LRRK2: variants seen among roughly 807,000 people sequenced by gnomAD.
LRRK2 encodes leucine-rich repeat serine/threonine-protein kinase 2.
A neutral mutation model predicts 302.6 loss-of-function variants in LRRK2; 203 were observed. The ratio of observed to expected loss-of-function variants is 0.67; its 90% confidence interval spans 0.60 to 0.75. LRRK2 has a LOEUF of 0.75. Ranked by LOEUF, LRRK2 falls within the 30% of genes least tolerant of loss-of-function variation. The probability of loss-of-function intolerance (pLI) is 0.00; values close to 1 mark genes in which losing one functional copy is unlikely to be tolerated. For missense variants in LRRK2, 2,830 were observed against 2,951.0 expected, an observed-to-expected ratio of 0.96 and a Z score of 0.95; for synonymous variants, 1,066 against 1,031.9, an observed-to-expected ratio of 1.03 and a Z score of -0.63.
In LRRK2 at chr12:40,335,161, A is replaced by G; in HGVS notation, c.5948+4A>G. ...TCCACGTAGCTGATGGTTTGAGGTA[A>G]GTAGGTCATGTTGTTTTCTATTCAG... On this transcript the variant is annotated splice_donor_region_variant and intron_variant, in intron 40 of 50. Transcript: ENST00000298910. The G allele has an allele frequency of 6.2e-7, 1 of 1,613,994 alleles. No individual in the cohort carries two copies.
intron 20 of LRRK2, among the ~76,000 whole-genome samples, chr12:40,292,025 C>T (rs76339482): frequency 0.015 from 2,347 of 152,106 alleles, 31 homozygotes; most frequent in Non-Finnish European, 0.016. Context: ...ACATTTCTAG[C>T]GCAGATCTTC....
chr12:40,274,234 ATT>A (rs1943355275), intron 14 of LRRK2, among the ~76,000 whole-genome samples: 1 of 152,176 alleles, frequency 6.6e-6, no homozygotes, highest in African/African-American at 2.4e-5. Flanking sequence ...CATCTCTGCA[ATT>A]TATAGTTTGT....
Position 40,251,337 on chromosome 12 carries a change from A to T in LRRK2, c.1064A>T (p.Lys355Ile). The change falls in exon 9 of 51, where the codon AAA becomes ATA. Residue 355 changes from lysine (K) to isoleucine (I), a missense_variant. Around this residue, in one of 3 missense-constraint regions of LRRK2, gnomAD observed 2,121 missense variants for 2,148.0 expected, o/e 0.99. Coordinates refer to ENST00000298910, the MANE Select transcript of LRRK2 (RefSeq NM_198578.4). ...DKLFWLEACY[K>I]ALTWHRKNKH... ...TTGTTTTGGCTGGAAGCCTGTTACA[A>T]AGCATTAACGTGGCATAGAAAGAAC... is the stretch of plus-strand genomic sequence containing the variant. The T allele has an allele frequency of 6.2e-7, 1 of 1,614,038 alleles. No individual in the cohort carries two copies. The highest frequency in any genetic ancestry group is 8.5e-7 in the Non-Finnish European group (1 of 1,179,936).
At chr12:40,297,665 C>T (rs1944433454) in intron 23 of LRRK2, among the ~76,000 whole-genome samples, 1 of 151,798 alleles carries the variant, frequency 6.6e-6, no homozygotes, top group Non-Finnish European at 1.5e-5. Context: ...TATTACGTAC[C>T]TAAGTTTTAA....
At chr12:40,260,012 A>G (rs1346618415) in intron 13 of LRRK2, among the ~76,000 whole-genome samples, 2 of 151,968 alleles carry the variant, frequency 1.3e-5, no homozygotes, top group African/African-American at 4.8e-5. Flanking sequence ...CTATGATTGA[A>G]TTAATCTTTC....
chr12:40,228,433 CT>C (rs35333613), intron 2 of LRRK2, among the ~76,000 whole-genome samples: 90 of 19,310 alleles, frequency 4.7e-3, no homozygotes, highest in African/African-American at 0.017. Context: ...AAAAATAAGA[CT>C]TTTTTTTTTT....
At chr12:40,227,509 A>G (rs1940957153) in intron 2 of LRRK2, among the ~76,000 whole-genome samples, 1 of 152,024 alleles carries the variant, frequency 6.6e-6, no homozygotes, top group South Asian at 2.1e-4. Context: ...CTCTTCCTCC[A>G]TGAGATCCAC....
intron 7 of LRRK2, among the ~76,000 whole-genome samples, chr12:40,246,558 C>T (rs981807869): frequency 4.6e-5 from 7 of 151,930 alleles, no homozygotes; most frequent in Admixed American, 2.6e-4. Context: ...GAGTCTAAAC[C>T]AACTGCTTCT....
chr12:40,279,220 C>CTTTTTTTTTTTTTTTTTTTTTTTTTTTT, intron 18 of LRRK2, among the ~76,000 whole-genome samples: 1 of 147,088 alleles, frequency 6.8e-6, no homozygotes, highest in Non-Finnish European at 1.5e-5. Flanking sequence ...CAATAGTTTA[C>CTTTTTTTTTTTTTTTTTTTTTTTTTTTT]TTTTTAAACC....
In LRRK2 at chr12:40,346,811, T is replaced by C; in HGVS notation, c.6168T>C (p.Val2056=). 6.2e-7 allele frequency: 1 copy of C among 1,614,018 alleles called. No individual in the cohort carries two copies. The highest frequency in any genetic ancestry group is 1.1e-5 in the South Asian group (1 of 91,076). Residue 2056 remains valine (V), a synonymous_variant, in exon 42 of 51, where the codon GTT becomes GTC. Transcript: ENST00000298910. The stretch of plus-strand genomic sequence containing the variant: ...TCATTTATAACCAACAGGCTGATGT[T>C]TATTCATTTGGTTTACTACTCTATG... The part of the protein sequence containing the change: ...GNVIYNQQAD[V]YSFGLLLYDI...
At chr12:40,263,746 T>G in intron 13 of LRRK2, 43 bp from the exon 14 acceptor site, 2 of 1,398,196 alleles carry the variant, frequency 1.4e-6, no homozygotes, top group Non-Finnish European at 2.0e-6. Flanking sequence ...ACTCAAATGT[T>G]TATAAGAAAA....
chr12:40,237,460 G>A (rs946894668), intron 4 of LRRK2, among the ~76,000 whole-genome samples: 1 of 152,212 alleles, frequency 6.6e-6, no homozygotes, highest in Non-Finnish European at 1.5e-5. Flanking sequence ...TCTTCAAGAT[G>A]TGTAGGAGAT....
intron 18 of LRRK2, among the ~76,000 whole-genome samples, chr12:40,278,977 A>G (rs905695619): frequency 2.0e-5 from 3 of 152,002 alleles, no homozygotes; most frequent in African/African-American, 7.2e-5. Context: ...TACAGTGTTC[A>G]TCTTTGTATC....
intron 44 of LRRK2, 118 bp downstream of exon 44, chr12:40,351,851 T>A (rs887283213): frequency 9.4e-7 from 1 of 1,067,698 alleles, no homozygotes; most frequent in South Asian, 1.4e-5. Flanking sequence ...AGCCTTCTGT[T>A]AGAACAAGAG....
chr12:40,235,779 ATGTG>A, intron 4 of LRRK2, 65 bp downstream of exon 4: 1 of 789,186 alleles, frequency 1.3e-6, no homozygotes, highest in Non-Finnish European at 2.1e-6. Flanking sequence ...CATTAAGTAA[ATGTG>A]TGTGTGTGTG....
At position 40,367,845 on chromosome 12, in the gene LRRK2, A is replaced by G. The variant is rs1946926240; in HGVS notation, c.*80A>G. 1.2e-5 allele frequency: 17 copies of G among 1,423,828 alleles called. No homozygotes were observed. The highest frequency in any genetic ancestry group is 1.6e-5 in the Non-Finnish European group (17 of 1,045,864). The allele number at this position is 1,423,828 out of a possible 1,614,324, so 88.2% of individuals were successfully genotyped here. On this transcript the variant is annotated 3_prime_UTR_variant, in exon 51 of 51. Transcript: ENST00000298910. ...ATTTATTTTAAAAATGTTCACATGGAAAGGGTACTCACATTTTTTGAAATA... is the reference window on the plus strand; with the variant it reads ...ATTTATTTTAAAAATGTTCACATGGGAAGGGTACTCACATTTTTTGAAATA...
Position 40,263,783 on chromosome 12 carries a change from A to T in LRRK2, c.1544-6A>T, listed in dbSNP as rs1291329370. ...TCTTTCTTTATTTATTTATCTGTGC[A>T]TTTAGGCATGCCAGAAGAATCCAGG... On this transcript the variant is annotated splice_region_variant and splice_polypyrimidine_tract_variant and intron_variant, in intron 13 of 50. Coordinates refer to ENST00000298910, the MANE Select transcript of LRRK2 (RefSeq NM_198578.4). 3 of 1,590,212 alleles carry T rather than the reference A, an allele frequency of 1.9e-6. No homozygotes were observed. Among genetic ancestry groups the T allele is most frequent in the East Asian group, 4.5e-5 (2 of 44,674 alleles).
intron 19 of LRRK2, among the ~76,000 whole-genome samples, chr12:40,285,347 A>G (rs1943878753): frequency 6.6e-6 from 1 of 152,142 alleles, no homozygotes; most frequent in African/African-American, 2.4e-5. Flanking sequence ...CATGGTTGTA[A>G]CCTTACCATT....
chr12:40,348,588 A>T (rs1022363871), intron 43 of LRRK2, 79 bp downstream of exon 43: 1 of 876,596 alleles, frequency 1.1e-6, no homozygotes, highest in Non-Finnish European at 1.8e-6. Flanking sequence ...TCAAATATAT[A>T]TACTTAAACA....
Sources: allele counts gnomAD v4.1 joint callset (sites outside exome capture counted in the v4.1 genomes callset), GRCh38; gene constraint gnomAD v4.1.1; regional missense constraint gnomAD v4.1.1; transcripts MANE v1.5; gene names NCBI Gene and HGNC (gene_info 2026-07-23, HGNC 2026-07-21).